The following STYXL1 variants were observed in gnomAD, a reference collection of about 807,000 sequenced individuals.
STYXL1 encodes serine/threonine/tyrosine interacting like 1.
In STYXL1, 32 loss-of-function variants were observed where a neutral mutation model predicts 36.4. The ratio of observed to expected loss-of-function variants is 0.88; its 90% CI spans 0.66 to 1.18. The LOEUF (loss-of-function observed/expected upper bound fraction) is 1.18, where lower values mean the gene tolerates loss of function less well. Among genes scored for constraint, STYXL1 ranks in the 50% most tolerant of loss-of-function variants. STYXL1 has a pLI of 0.00. For synonymous variants in STYXL1, 133 were observed against 144.1 expected, an observed-to-expected ratio of 0.92 and a Z score of 0.55; for missense variants, 354 against 394.1, an observed-to-expected ratio of 0.90 and a Z score of 0.86.
chr7:76,029,314 T>C (rs906885560), intron 2 of STYXL1, among the ~76,000 whole-genome samples: 17 of 151,708 alleles, frequency 1.1e-4, no homozygotes, highest in Non-Finnish European at 1.2e-4. Context: ...ACCCGGCTAA[T>C]TTTTGTATTT....
At chr7:76,027,536 G>A (rs1337257443) in intron 3 of STYXL1, among the ~76,000 whole-genome samples, 1 of 151,604 alleles carries the variant, frequency 6.6e-6, no homozygotes, top group African/African-American at 2.4e-5. Context: ...AGATAGGAGG[G>A]TTGATTGAAC....
At chr7:76,015,813 AC>A (rs1254903521) in intron 4 of STYXL1, among the ~76,000 whole-genome samples, 3 of 152,158 alleles carry the variant, frequency 2.0e-5, no homozygotes, top group African/African-American at 7.2e-5. Flanking sequence ...AGGCAGACCC[AC>A]CCTCAATCTG....
chr7:76,029,817 G>C (rs1424068751), intron 2 of STYXL1, among the ~76,000 whole-genome samples: 1 of 152,070 alleles, frequency 6.6e-6, no homozygotes, highest in African/African-American at 2.4e-5. Flanking sequence ...AGAATCTAAT[G>C]CTGCTGCTGA....
At chr7:76,013,910 T>C in intron 4 of STYXL1, 23 bp from the exon 5 acceptor site, 1 of 1,595,250 alleles carries the variant, frequency 6.3e-7, no homozygotes, top group Non-Finnish European at 8.6e-7. Context: ...ACCAAAGACA[T>C]GAATGTCTCC....
chr7:76,029,396 C>T (rs1328046346), intron 2 of STYXL1, among the ~76,000 whole-genome samples: 7 of 152,220 alleles, frequency 4.6e-5, no homozygotes, highest in Middle Eastern at 3.4e-3. Flanking sequence ...ATCCGCCCAC[C>T]TCGGCCTCCC....
intron 1 of STYXL1, among the ~76,000 whole-genome samples, chr7:76,033,224 C>T (rs782592301): frequency 5.9e-5 from 9 of 152,242 alleles, no homozygotes; most frequent in East Asian, 3.9e-4. Flanking sequence ...TGGCTGACTG[C>T]GGCCACAAAC....
rs145095665 is a variant in STYXL1 at position 76,019,971 on chromosome 7, C to A, written c.307+1880G>T. On this transcript the variant is annotated intron_variant, in intron 4 of 8. Transcript: ENST00000359697. Reference sequence around the variant, plus strand: ...AGAAAGAAGGGGGTGTTGAGAGAAGCCTTGAGATGGTCTTGTACCCCCAAA... The same window carrying A: ...AGAAAGAAGGGGGTGTTGAGAGAAGACTTGAGATGGTCTTGTACCCCCAAA... 4.2e-4 allele frequency among the ~76,000 whole-genome samples: 63 copies of A among 151,222 alleles called. 1 individual carries two copies. In the East Asian group the frequency reaches 9.7e-3, roughly 23 times the overall value.
chr7:76,010,034 C>T lies in STYXL1; in HGVS notation c.453+3708G>A, dbSNP rs147302047. On this transcript the variant is annotated intron_variant, in intron 5 of 8. Coordinates refer to ENST00000359697, the MANE Select transcript of STYXL1 (RefSeq NM_001317785.2). Reference sequence around the variant, plus strand: ...TTTAAATATGTGCAGTTCATCATGTCAATTACACCTTACTAAAGCTTCAGA... The same window carrying T: ...TTTAAATATGTGCAGTTCATCATGTTAATTACACCTTACTAAAGCTTCAGA... 8.5e-5 allele frequency among the ~76,000 whole-genome samples: 13 copies of T among 152,296 alleles called. No individual in the cohort carries two copies. In the East Asian group the frequency reaches 2.5e-3, roughly 29 times the overall value.
chr7:76,037,816 A>G (rs1382954493), intron 1 of STYXL1, among the ~76,000 whole-genome samples: 1 of 149,846 alleles, frequency 6.7e-6, no homozygotes, highest in African/African-American at 2.4e-5. Context: ...ACTCTGGCTC[A>G]AGCTGACCAG....
At chr7:76,034,931 TAC>T (rs1157980314) in intron 1 of STYXL1, among the ~76,000 whole-genome samples, 1 of 152,206 alleles carries the variant, frequency 6.6e-6, no homozygotes, top group Non-Finnish European at 1.5e-5. Flanking sequence ...TTGACCTGTC[TAC>T]TGAGCTGCAG....
chr7:76,021,590 C>T (rs1794080267), intron 4 of STYXL1, among the ~76,000 whole-genome samples: 1 of 152,124 alleles, frequency 6.6e-6, no homozygotes, highest in African/African-American at 2.4e-5. Flanking sequence ...CAATCAATGA[C>T]CCCAACTTTC....
chr7:75,997,663 A>G (rs1418549768), intron 8 of STYXL1, among the ~76,000 whole-genome samples: 2 of 152,190 alleles, frequency 1.3e-5, no homozygotes, highest in Non-Finnish European at 2.9e-5. Flanking sequence ...AGGAAGAAGT[A>G]ACCTTACCTC....
At chr7:76,011,744 C>T (rs1792574827) in intron 5 of STYXL1, among the ~76,000 whole-genome samples, 2 of 152,206 alleles carry the variant, frequency 1.3e-5, no homozygotes, top group South Asian at 4.1e-4. Context: ...TAGACAACTC[C>T]ACCCAGTTCT....
chr7:76,020,484 C>T (rs529714708), intron 4 of STYXL1, among the ~76,000 whole-genome samples: 3 of 152,294 alleles, frequency 2.0e-5, no homozygotes, highest in Non-Finnish European at 2.9e-5. Flanking sequence ...GAACTGACCA[C>T]GCTTTAATGT....
intron 1 of STYXL1, among the ~76,000 whole-genome samples, chr7:76,032,594 C>T (rs993822016): frequency 5.3e-5 from 8 of 151,948 alleles, no homozygotes; most frequent in Non-Finnish European, 8.8e-5. Context: ...CCCAGCTACT[C>T]GGGAGGCTGA....
intron 1 of STYXL1, among the ~76,000 whole-genome samples, chr7:76,042,887 T>C (rs1400318126): frequency 6.6e-6 from 1 of 152,110 alleles, no homozygotes. Flanking sequence ...AGCCAGCCCC[T>C]AGGGTAGCTT....
At chr7:76,036,169 C>T (rs1795887938) in intron 1 of STYXL1, among the ~76,000 whole-genome samples, 1 of 149,960 alleles carries the variant, frequency 6.7e-6, no homozygotes, top group African/African-American at 2.4e-5. Context: ...GGGATGATCT[C>T]GGCTCACTGT....
intron 7 of STYXL1, among the ~76,000 whole-genome samples, chr7:76,001,792 A>T (rs1245251178): frequency 8.5e-4 from 82 of 96,900 alleles, no homozygotes; most frequent in Admixed American, 1.6e-3. Flanking sequence ...ACTGCGCCTG[A>T]TTTTTTTTTT....
chr7:76,001,535 CCAGGCTGGAGTG>C (rs774796937), intron 7 of STYXL1, among the ~76,000 whole-genome samples: 33 of 152,118 alleles, frequency 2.2e-4, no homozygotes, highest in Non-Finnish European at 4.1e-4. Context: ...CTCTTGTTGC[CCAGGCTGGAGTG>C]CAGTGGCACA....
Sources: allele counts gnomAD v4.1 joint callset (sites outside exome capture counted in the v4.1 genomes callset), GRCh38; gene constraint gnomAD v4.1.1; transcripts MANE v1.5; gene names NCBI Gene and HGNC (gene_info 2026-07-23, HGNC 2026-07-21).